The following HSPA8 variants were observed in gnomAD, a reference collection of about 807,000 sequenced individuals.
HSPA8 encodes the protein heat shock protein family A (Hsp70) member 8, also known as heat shock cognate 71 kDa protein.
HSPA8 carries 2 observed loss-of-function variants against 52.8 expected under a neutral mutation model. The observed-to-expected ratio is 0.04, with a 90% CI of 0.02 to 0.12. The LOEUF (loss-of-function observed/expected upper bound fraction) is 0.12. HSPA8 is among the 10% of genes least tolerant of loss of function. The pLI is 1.00. For synonymous variants in HSPA8, 436 were observed against 274.0 expected, an observed-to-expected ratio of 1.59 and a Z score of -5.84; for missense variants, 349 against 800.5, an observed-to-expected ratio of 0.44 and a Z score of 6.81.
intron 7 of HSPA8, 57 bp downstream of exon 7, chr11:123,058,575 G>C: frequency 1.3e-6 from 2 of 1,573,180 alleles, no homozygotes; most frequent in Non-Finnish European, 1.7e-6. Flanking sequence ...TTAGGCACCA[G>C]TAACTCAATT....
At position 123,059,826 on chromosome 11, in the gene HSPA8, T is replaced by C. The variant is rs1865439166; in HGVS notation, c.767A>G (p.Asn256Ser). Residue 256 changes from asparagine to serine, a missense_variant, in exon 5 of 9, where the codon AAC (asparagine) becomes AGC (serine). Coordinates refer to ENST00000534624, the MANE Select transcript of HSPA8 (RefSeq NM_006597.6). Reference sequence around the variant, plus strand: ...ACGGAGGCGTCTTACAGCTCTCTTGTTCTCACTGATGTCCTTCTTATGCTT... The same window carrying C: ...ACGGAGGCGTCTTACAGCTCTCTTGCTCTCACTGATGTCCTTCTTATGCTT... ...KRKHKKDISENKRAVRRLRTA... is the reference protein window; with the variant it reads ...KRKHKKDISESKRAVRRLRTA... The C allele has an allele frequency of 1.9e-6, 3 of 1,613,566 alleles. No individual in the cohort carries two copies. Among genetic ancestry groups the C allele is most frequent in the South Asian group, 1.1e-5 (1 of 91,064 alleles).
intron 1 of HSPA8, 36 bp from the exon 2 acceptor site, chr11:123,061,365 T>C: frequency 2.0e-6 from 3 of 1,480,878 alleles, no homozygotes; most frequent in South Asian, 1.2e-5. Context: ...AAAATTCAAT[T>C]AATCAAAATA....
intron 6 of HSPA8, 82 bp from the exon 7 acceptor site, chr11:123,058,912 C>T (rs1865400436): frequency 1.3e-5 from 19 of 1,460,666 alleles, no homozygotes; most frequent in Non-Finnish European, 1.5e-5. Context: ...AGAATGGTCG[C>T]TCAAACATCC....
rs764020103 is a variant in HSPA8, at chr11:123,059,729, A to G, written c.864T>C (p.Tyr288=). ...TQASIEIDSL[Y]EGIDFYTSIT... Reference sequence around the variant, plus strand: ...TGGAGGTATAGAAGTCGATTCCTTCATAGAGAGAATCGATCTCAATACTGG... The same window carrying G: ...TGGAGGTATAGAAGTCGATTCCTTCGTAGAGAGAATCGATCTCAATACTGG... Residue 288 remains tyrosine (Y), a synonymous_variant, in exon 5 of 9, where the codon TAT becomes TAC. Transcript: ENST00000534624. The G allele has an allele frequency of 1.2e-6, 2 of 1,613,928 alleles. No individual in the cohort carries two copies. The highest frequency in any genetic ancestry group is 1.7e-6 in the Non-Finnish European group (2 of 1,179,836).
At chr11:123,062,181 A>C (rs1591441569), upstream of HSPA8, 1 of 152,362 alleles carries the variant, frequency 6.6e-6, no homozygotes, top group African/African-American at 2.4e-5. Context: ...CTATCTTAGA[A>C]CCTTCCAGAA....
chr11:123,061,356 AAATTCAATT>A (rs1865492933), intron 1 of HSPA8, 27 bp from the exon 2 acceptor site: 1 of 1,529,806 alleles, frequency 6.5e-7, no homozygotes, highest in African/African-American at 1.4e-5. Context: ...TCTGGTTTAA[AAATTCAATT>A]AATCAAAATA....
chr11:123,061,568 T>G, intron 1 of HSPA8: 1 of 555,468 alleles, frequency 1.8e-6, no homozygotes, highest in South Asian at 2.1e-5. Context: ...CGTGGGGCGT[T>G]GCTCAACACG....
chr11:123,059,317 T>C, intron 5 of HSPA8, 56 bp from the exon 6 acceptor site: 1 of 1,493,020 alleles, frequency 6.7e-7, no homozygotes, highest in Non-Finnish European at 9.3e-7. Flanking sequence ...AGTACATAGC[T>C]CCTGTTTTAA....
At chr11:123,061,989 C>G (rs1364688059) in intron 1 of HSPA8, 75 bp downstream of exon 1, 1 of 155,676 alleles carries the variant, frequency 6.4e-6, no homozygotes, top group African/African-American at 2.4e-5. Context: ...CCCCAAGCCT[C>G]AGCAAGCCCA....
chr11:123,060,571 C>T (rs756307893), intron 3 of HSPA8, 22 bp downstream of exon 3: 5 of 1,573,220 alleles, frequency 3.2e-6, no homozygotes, highest in Non-Finnish European at 4.4e-6. Context: ...GAATGCACCC[C>T]ATACTGAAAA....
At chr11:123,061,635 C>G in intron 1 of HSPA8, 1 of 428,610 alleles carries the variant, frequency 2.3e-6, no homozygotes. Flanking sequence ...GTGCCAGTGC[C>G]CCCGGGAGTC....
rs1273936461 is a variant in HSPA8, at chr11:123,061,127, T to C, written c.198A>G (p.Thr66=). 1.9e-6 allele frequency: 3 copies of C among 1,612,850 alleles called. No homozygotes were observed. Among genetic ancestry groups the C allele is most frequent in the Admixed American group, 1.7e-5 (1 of 60,020 alleles). The change falls in exon 2 of 9, where the codon ACA becomes ACG. Residue 66 remains threonine, a synonymous_variant. Transcript: ENST00000534624. Reference sequence around the variant, plus strand: ...TTAAAATTAGGAACTCACCAAAAACTGTGTTGGTGGGGTTCATTGCAACTT... The same window carrying C: ...TTAAAATTAGGAACTCACCAAAAACCGTGTTGGTGGGGTTCATTGCAACTT... ...KNQVAMNPTN[T]VFDAKRLIGR...
chr11:123,060,488 C>T, intron 3 of HSPA8, 105 bp downstream of exon 3: 1 of 992,676 alleles, frequency 1.0e-6, no homozygotes, highest in Non-Finnish European at 1.6e-6. Context: ...TAACCCTGAG[C>T]TGAGCCCCAT....
chr11:123,061,502 G>A, intron 1 of HSPA8, 173 bp from the exon 2 acceptor site: 3 of 617,784 alleles, frequency 4.9e-6, no homozygotes, highest in Non-Finnish European at 8.5e-6. Flanking sequence ...AGTCCAGGTT[G>A]CCGTGCCAAC....
rs567796127 is a variant in HSPA8, at chr11:123,061,454, CCTGT to C, written c.-5-129_-5-126del. ...CAAGAGGTAATAGTGCCCATCACCTCCTGTCTAAGCACGCGCGAGGTCCAGAACT... is the reference window on the plus strand; with the variant it reads ...CAAGAGGTAATAGTGCCCATCACCTCCTAAGCACGCGCGAGGTCCAGAACT... On this transcript the variant is annotated intron_variant, in intron 1 of 8. Transcript: ENST00000534624. 3.9e-3 allele frequency: 2,842 copies of C among 732,840 alleles called. 19 individuals are homozygous for C. The highest frequency in any genetic ancestry group is 9.1e-3 in the South Asian group (526 of 57,654). 45.4% of individuals were successfully genotyped at this position (732,840 alleles called of 1,614,324 possible). A position where few individuals can be genotyped will look rare whatever the true frequency, so the allele number is the denominator to read the frequency against.
upstream of HSPA8, chr11:123,062,451 CG>C (rs1440172903): frequency 6.6e-6 from 1 of 152,284 alleles, no homozygotes; most frequent in Non-Finnish European, 1.5e-5. Flanking sequence ...TCAGTTACCC[CG>C]GGCGGGGGAG....
At chr11:123,059,002 C>A in intron 6 of HSPA8, 57 bp downstream of exon 6, 1 of 1,517,844 alleles carries the variant, frequency 6.6e-7, no homozygotes. Flanking sequence ...GCGAGTCAGT[C>A]AAGACTTCCC....
At chr11:123,060,541 T>C (rs1450490543) in intron 3 of HSPA8, 52 bp downstream of exon 3, 12 of 1,380,212 alleles carry the variant, frequency 8.7e-6, no homozygotes, top group African/African-American at 1.4e-5. Context: ...CCGGGAGTCA[T>C]CGGGCTTTTA....
intron 1 of HSPA8, chr11:123,061,816 G>C (rs79563213): frequency 0.093 from 15,162 of 162,894 alleles, 1,455 homozygotes; most frequent in African/African-American, 0.24. Context: ...CCCGCCACGC[G>C]GCCGCCGGGC....
Sources: allele counts gnomAD v4.1 joint callset, GRCh38; gene constraint gnomAD v4.1.1; transcripts MANE v1.5; gene names NCBI Gene and HGNC (gene_info 2026-07-23, HGNC 2026-07-21).